PKHD1: variants seen among roughly 807,000 people sequenced by gnomAD.
PKHD1 encodes the protein fibrocystin.
Under a neutral mutation model 412.0 loss-of-function variants are expected in PKHD1, and 291 were observed. The observed-to-expected ratio is 0.71, with a 90% CI of 0.64 to 0.78. The LOEUF (loss-of-function observed/expected upper bound fraction) is 0.78. PKHD1 is among the 30% of genes least tolerant of loss of function. The probability of loss-of-function intolerance (pLI) is 0.00; values close to 1 mark genes in which losing one functional copy is unlikely to be tolerated. For missense variants in PKHD1, 4,825 were observed against 4,950.7 expected (o/e 0.97, Z 0.76); for synonymous variants, 1,777 against 1,821.5 (o/e 0.98, Z 0.62).
intron 60 of PKHD1, among the ~76,000 whole-genome samples, chr6:51,667,679 G>T (rs1291897552): frequency 2.0e-5 from 3 of 150,642 alleles, no homozygotes; most frequent in East Asian, 3.9e-4. Context: ...ATGGTTTTAG[G>T]TCTAATGTTT....
chr6:51,765,697 C>G (rs1209930531), intron 55 of PKHD1, among the ~76,000 whole-genome samples: 3 of 152,076 alleles, frequency 2.0e-5, no homozygotes, highest in Non-Finnish European at 4.4e-5. Flanking sequence ...TCAACCACGT[C>G]ATTTATATTT....
intron 60 of PKHD1, among the ~76,000 whole-genome samples, chr6:51,669,728 G>A (rs1393327938): frequency 1.5e-5 from 2 of 136,878 alleles, no homozygotes; most frequent in Non-Finnish European, 3.0e-5. Flanking sequence ...ATGAGTCCCA[G>A]AGATTCTGGT....
At chr6:51,687,684 A>G (rs562384815) in intron 60 of PKHD1, among the ~76,000 whole-genome samples, 1 of 152,316 alleles carries the variant, frequency 6.6e-6, no homozygotes, top group African/African-American at 2.4e-5. Flanking sequence ...CCCAAAGACA[A>G]AGTGAATTAA....
chr6:52,053,010 C>A, intron 21 of PKHD1, 66 bp downstream of exon 21: 6 of 1,472,216 alleles, frequency 4.1e-6, no homozygotes, highest in South Asian at 3.5e-5. Context: ...AAACAGTAAC[C>A]CCTAGCAGGA....
chr6:51,916,709 T>C (rs900913079), intron 37 of PKHD1, among the ~76,000 whole-genome samples: 1 of 152,192 alleles, frequency 6.6e-6, no homozygotes, highest in Non-Finnish European at 1.5e-5. Context: ...TTTCTGTTCA[T>C]AGAACTATTG....
chr6:51,746,660 G>A, intron 59 of PKHD1, 61 bp downstream of exon 59: 1 of 1,005,130 alleles, frequency 9.9e-7, no homozygotes, highest in South Asian at 1.3e-5. Context: ...ACATGTTTAG[G>A]GTTTGAAGAA....
intron 52 of PKHD1, among the ~76,000 whole-genome samples, chr6:51,828,012 C>T (rs1264535914): frequency 6.6e-6 from 1 of 152,024 alleles, no homozygotes; most frequent in African/African-American, 2.4e-5. Flanking sequence ...AGATTAAATA[C>T]CTCAAGCAGT....
At chr6:52,022,396 T>C (rs960462239) in intron 33 of PKHD1, among the ~76,000 whole-genome samples, 6 of 152,200 alleles carry the variant, frequency 3.9e-5, no homozygotes, top group African/African-American at 1.4e-4. Context: ...TCCATCCCTT[T>C]ACTGGTACCT....
At chr6:51,913,520 T>C (rs1783302114) in intron 37 of PKHD1, among the ~76,000 whole-genome samples, 1 of 152,100 alleles carries the variant, frequency 6.6e-6, no homozygotes, top group African/African-American at 2.4e-5. Flanking sequence ...TCTGAATACT[T>C]CAGAAAACAC....
intron 37 of PKHD1, among the ~76,000 whole-genome samples, chr6:51,930,163 G>T (rs1204068025): frequency 6.6e-6 from 1 of 152,188 alleles, no homozygotes; most frequent in Non-Finnish European, 1.5e-5. Context: ...GGCAGACAGA[G>T]TGATGAAAGC....
At chr6:51,995,035 A>G (rs1797558168) in intron 35 of PKHD1, among the ~76,000 whole-genome samples, 1 of 152,196 alleles carries the variant, frequency 6.6e-6, no homozygotes, top group Admixed American at 6.5e-5. Context: ...AGAATCAGGT[A>G]TGCTCTCTGG....
At chr6:51,729,004 G>A (rs1479125243) in intron 60 of PKHD1, among the ~76,000 whole-genome samples, 1 of 152,216 alleles carries the variant, frequency 6.6e-6, no homozygotes, top group Non-Finnish European at 1.5e-5. Context: ...TCTGTAACGT[G>A]TTCAAACAGA....
At chr6:51,945,164 A>T (rs760023798) in intron 36 of PKHD1, among the ~76,000 whole-genome samples, 1 of 152,234 alleles carries the variant, frequency 6.6e-6, no homozygotes, top group Non-Finnish European at 1.5e-5. Context: ...TTTCCCTCAC[A>T]GCCACATGTC....
intron 53 of PKHD1, among the ~76,000 whole-genome samples, 178 bp from the exon 54 acceptor site, chr6:51,776,099 T>C (rs1278077173): frequency 2.0e-5 from 3 of 151,964 alleles, no homozygotes; most frequent in Admixed American, 2.0e-4. Context: ...TAAACTTCTT[T>C]GAAGGAGACT....
At chr6:51,883,787 A>T (rs1018026174) in intron 45 of PKHD1, among the ~76,000 whole-genome samples, 1 of 152,168 alleles carries the variant, frequency 6.6e-6, no homozygotes, top group Non-Finnish European at 1.5e-5. Context: ...CTGTCCCCGA[A>T]AAAGCATGTT....
intron 66 of PKHD1, among the ~76,000 whole-genome samples, chr6:51,620,004 A>G (rs1318077557): frequency 6.6e-6 from 1 of 152,252 alleles, no homozygotes; most frequent in Non-Finnish European, 1.5e-5. Context: ...AAATAATCAC[A>G]TAAACATCTA....
At chr6:52,071,143 A>G (rs1204992343) in intron 8 of PKHD1, 73 bp from the exon 9 acceptor site, 1 of 1,098,286 alleles carries the variant, frequency 9.1e-7, no homozygotes, top group East Asian at 2.4e-5. Context: ...TTTAACCAGG[A>G]AAGTAGAAAG....
chr6:51,932,383 T>G (rs1409957013), intron 37 of PKHD1, among the ~76,000 whole-genome samples: 1 of 152,210 alleles, frequency 6.6e-6, no homozygotes, highest in Non-Finnish European at 1.5e-5. Context: ...AATTCCTATT[T>G]TCAGGAAGAG....
chr6:51,660,614 A>T (rs1415399190), intron 60 of PKHD1, among the ~76,000 whole-genome samples: 1 of 152,168 alleles, frequency 6.6e-6, no homozygotes, highest in Non-Finnish European at 1.5e-5. Context: ...AACTCGCTAG[A>T]GAGGCTTACA....
Sources: gnomAD v4.1 joint callset for allele counts (sites outside exome capture counted in the v4.1 genomes callset) on GRCh38, gnomAD v4.1.1 for gene constraint, MANE v1.5 for transcripts, NCBI Gene and HGNC (gene_info 2026-07-23, HGNC 2026-07-21) for gene names.